The following ZMAT4 variants were observed in gnomAD, a reference collection of about 807,000 sequenced individuals.
The protein encoded by ZMAT4 is zinc finger matrin-type protein 4.
Under a neutral mutation model 28.7 loss-of-function variants are expected in ZMAT4, and 17 were observed. The ratio of observed to expected loss-of-function variants is 0.59; its 90% CI spans 0.41 to 0.89. The LOEUF (loss-of-function observed/expected upper bound fraction) is 0.89, where lower values mean the gene tolerates loss of function less well. Among genes scored for constraint, ZMAT4 ranks in the 40% least tolerant of loss-of-function variants. The probability of loss-of-function intolerance (pLI) is 0.00; values close to 1 mark genes in which losing one functional copy is unlikely to be tolerated. For synonymous variants in ZMAT4, 117 were observed against 109.2 expected (o/e 1.07, Z -0.44); for missense variants, 240 against 283.8 (o/e 0.85, Z 1.11).
At chr8:40,575,484 GC>G (rs1213476798) in intron 6 of ZMAT4, among the ~76,000 whole-genome samples, 1 of 151,916 alleles carries the variant, frequency 6.6e-6, no homozygotes, top group Non-Finnish European at 1.5e-5. Flanking sequence ...CTCACCTTCA[GC>G]AAAGCCACAC....
At chr8:40,622,400 C>T (rs182535163) in intron 5 of ZMAT4, among the ~76,000 whole-genome samples, 1 of 152,248 alleles carries the variant, frequency 6.6e-6, no homozygotes, top group East Asian at 1.9e-4. Context: ...TTTTGTATTT[C>T]CAAGAACCTG....
intron 5 of ZMAT4, among the ~76,000 whole-genome samples, chr8:40,601,442 A>AAGGG (rs1563359809): frequency 7.0e-5 from 8 of 113,832 alleles, no homozygotes; most frequent in Non-Finnish European, 1.1e-4. Flanking sequence ...GGAAGGAAGG[A>AAGGG]AGGAAGGAAG....
At chr8:40,776,103 C>A (rs1423630625) in intron 2 of ZMAT4, among the ~76,000 whole-genome samples, 2 of 152,230 alleles carry the variant, frequency 1.3e-5, no homozygotes, top group Non-Finnish European at 2.9e-5. Context: ...CTTGTTATGA[C>A]ACAGCCTAGG....
chr8:40,767,782 C>G, intron 2 of ZMAT4, 52 bp from the exon 3 acceptor site: 3 of 1,467,642 alleles, frequency 2.0e-6, no homozygotes, highest in South Asian at 1.3e-5. Flanking sequence ...CATTTCAAAC[C>G]CTTTGAAACC....
At chr8:40,723,192 G>T (rs999398487) in intron 3 of ZMAT4, among the ~76,000 whole-genome samples, 12 of 152,198 alleles carry the variant, frequency 7.9e-5, no homozygotes, top group African/African-American at 2.9e-4. Context: ...AGGGATAGGA[G>T]AATGAGTATC....
intron 6 of ZMAT4, among the ~76,000 whole-genome samples, chr8:40,559,851 AATTAG>A (rs1213181747): frequency 6.6e-6 from 1 of 152,120 alleles, no homozygotes; most frequent in Non-Finnish European, 1.5e-5. Flanking sequence ...ACGTTTGTGA[AATTAG>A]ATTAGAGCTT....
At chr8:40,656,741 C>T (rs1807941292) in intron 5 of ZMAT4, among the ~76,000 whole-genome samples, 2 of 151,934 alleles carry the variant, frequency 1.3e-5, no homozygotes, top group Non-Finnish European at 2.9e-5. Context: ...AAACCTCTAC[C>T]CCATAAATAT....
At chr8:40,738,832 C>T (rs760722019) in intron 3 of ZMAT4, among the ~76,000 whole-genome samples, 1 of 152,112 alleles carries the variant, frequency 6.6e-6, no homozygotes, top group Non-Finnish European at 1.5e-5. Context: ...AAAAAAATGG[C>T]TCCAAAATAT....
At chr8:40,855,438 C>T (rs1817261708) in intron 1 of ZMAT4, among the ~76,000 whole-genome samples, 1 of 152,076 alleles carries the variant, frequency 6.6e-6, no homozygotes. Flanking sequence ...GAGATAAAAA[C>T]TGTCTCTCTC....
intron 3 of ZMAT4, among the ~76,000 whole-genome samples, chr8:40,717,212 TG>T (rs1218918817): frequency 6.6e-6 from 1 of 152,222 alleles, no homozygotes; most frequent in Non-Finnish European, 1.5e-5. Context: ...AGGACCCAGA[TG>T]GAAAGTATTC....
chr8:40,720,396 T>C (rs1187589022), intron 3 of ZMAT4, among the ~76,000 whole-genome samples: 1 of 152,168 alleles, frequency 6.6e-6, no homozygotes, highest in Non-Finnish European at 1.5e-5. Context: ...TCAGAAGGAC[T>C]TGCATTATCC....
chr8:40,708,646 A>AT (rs11446729), intron 3 of ZMAT4, among the ~76,000 whole-genome samples: 41,296 of 98,344 alleles, frequency 0.42, 8,778 homozygotes, highest in Non-Finnish European at 0.46. Flanking sequence ...AGCAATCTTG[A>AT]TTTTTTTTTT....
In ZMAT4 at chr8:40,703,566, G is replaced by A. The variant is rs531663216; in HGVS notation, c.193-6165C>T. ...AGAGAGTGAATTAGTGATTGTCTAG[G>A]AATCAGAGGGCAGTGGGGGAGCAGG... On this transcript the variant is annotated intron_variant, in intron 3 of 6. Transcript: ENST00000297737. Among the ~76,000 whole-genome samples the A allele has an allele frequency of 2.6e-5, 4 of 152,326 alleles. No homozygotes were observed. The East Asian group carries it at 7.7e-4, about 29-fold the overall frequency.
At chr8:40,799,223 ATG>A (rs1355652027) in intron 2 of ZMAT4, among the ~76,000 whole-genome samples, 144 of 139,964 alleles carry the variant, frequency 1.0e-3, no homozygotes, top group African/African-American at 3.5e-3. Flanking sequence ...GGATGGATGG[ATG>A]GATAGATAGA....
intron 3 of ZMAT4, among the ~76,000 whole-genome samples, chr8:40,741,442 G>A (rs1251237093): frequency 7.7e-6 from 1 of 130,632 alleles, no homozygotes; most frequent in Admixed American, 8.2e-5. Context: ...GCGGAAGTCT[G>A]TCTCAAAAAA....
rs569190452 is a variant in ZMAT4 at position 40,738,774 on chromosome 8, A to C, written c.192+28867T>G. Among the ~76,000 whole-genome samples, 5 of 152,338 alleles carry C rather than the reference A, an allele frequency of 3.3e-5. No homozygotes were observed. In the East Asian group the frequency reaches 9.6e-4, roughly 29 times the overall value. On this transcript the variant is annotated intron_variant, in intron 3 of 6. Coordinates refer to ENST00000297737, the MANE Select transcript of ZMAT4 (RefSeq NM_024645.3). ...CCTGTCAACATTTAATCTGTTAGAC[A>C]CTGGCACAAGCGTCTAGGTGCTTTC...
In ZMAT4 at chr8:40,585,137, G is replaced by A. The variant is rs537097916; in HGVS notation, c.578-3876C>T. Among the ~76,000 whole-genome samples, 4 of 152,146 alleles carry A rather than the reference G, an allele frequency of 2.6e-5. No individual in the cohort carries two copies. The East Asian group carries it at 5.8e-4, about 22-fold the overall frequency. ...GTGGGTTGGCATGAGAGCTAGCTTT[G>A]TTTTTGTTTTTGTTTCAATCACATA... On this transcript the variant is annotated intron_variant, in intron 5 of 6. Transcript: ENST00000297737.
intron 5 of ZMAT4, among the ~76,000 whole-genome samples, chr8:40,635,727 T>C (rs1252349076): frequency 6.6e-6 from 1 of 152,216 alleles, no homozygotes; most frequent in Non-Finnish European, 1.5e-5. Flanking sequence ...AAAATTACTC[T>C]ACATCCGCAA....
chr8:40,829,199 C>G (rs1466798032), intron 1 of ZMAT4, among the ~76,000 whole-genome samples: 1 of 152,168 alleles, frequency 6.6e-6, no homozygotes, highest in African/African-American at 2.4e-5. Flanking sequence ...ATTTGATTTC[C>G]TGGGTCTGAA....
Sources: allele counts gnomAD v4.1 joint callset (sites outside exome capture counted in the v4.1 genomes callset), GRCh38; gene constraint gnomAD v4.1.1; transcripts MANE v1.5; gene names NCBI Gene and HGNC (gene_info 2026-07-23, HGNC 2026-07-21).